The following TENT2 variants were observed in gnomAD, a reference collection of about 807,000 sequenced individuals.
TENT2 encodes poly(A) RNA polymerase GLD2.
Under a neutral mutation model 72.2 loss-of-function variants are expected in TENT2, and 44 were observed. The ratio of observed to expected loss-of-function variants is 0.61; its 90% CI spans 0.48 to 0.78. The LOEUF (loss-of-function observed/expected upper bound fraction) is 0.78. Ranked by LOEUF, TENT2 falls within the 30% of genes least tolerant of loss-of-function variation. The pLI is 0.00. For missense variants in TENT2, 541 were observed against 569.6 expected, an observed-to-expected ratio of 0.95 and a Z score of 0.51; for synonymous variants, 212 against 192.5, an observed-to-expected ratio of 1.10 and a Z score of -0.84.
chr5:79,653,792 CAA>C (rs1453986231), intron 10 of TENT2, among the ~76,000 whole-genome samples: 12 of 152,110 alleles, frequency 7.9e-5, no homozygotes, highest in East Asian at 5.8e-4. Context: ...AAAGGGCAAA[CAA>C]GAGTCTGCAA....
chr5:79,621,408 C>T (rs1438203840), intron 3 of TENT2, among the ~76,000 whole-genome samples: 1 of 152,130 alleles, frequency 6.6e-6, no homozygotes, highest in Non-Finnish European at 1.5e-5. Context: ...TGACTTTATT[C>T]AGATTTTATT....
intron 14 of TENT2, among the ~76,000 whole-genome samples, chr5:79,682,706 T>C (rs553493678): frequency 2.0e-5 from 3 of 152,212 alleles, no homozygotes; most frequent in Non-Finnish European, 4.4e-5. Context: ...GAAGCTGATG[T>C]CTGATCCATG....
At chr5:79,627,319 A>G (rs929974572) in intron 4 of TENT2, among the ~76,000 whole-genome samples, 9 of 152,214 alleles carry the variant, frequency 5.9e-5, no homozygotes, top group Non-Finnish European at 2.9e-5. Context: ...TTTCAATTTC[A>G]GTAAATTTAA....
chr5:79,619,654 C>A lies in TENT2; in HGVS notation c.6C>A (p.Phe2Leu). The change falls in exon 2 of 15, where the codon TTC (phenylalanine) becomes TTA (leucine). Residue 2 changes from phenylalanine to leucine, a missense_variant. By Grantham distance (22) the Phe-to-Leu change is conservative. Coordinates refer to ENST00000453514, the MANE Select transcript of TENT2 (RefSeq NM_001114394.3). The stretch of plus-strand genomic sequence containing the variant: ...CACTTCCAGTGAACAAGAGCATGTT[C>A]CCAAACTCAATTTTGGGTCGCCCAC... MFPNSILGRPPF... is the reference protein window; with the variant it reads MLPNSILGRPPF... The A allele has an allele frequency of 6.2e-7, 1 of 1,613,142 alleles. No homozygotes were observed. The highest frequency in any genetic ancestry group is 2.2e-5 in the East Asian group (1 of 44,846).
intron 11 of TENT2, among the ~76,000 whole-genome samples, chr5:79,667,499 C>A (rs965014551): frequency 8.5e-5 from 13 of 152,070 alleles, no homozygotes; most frequent in African/African-American, 2.4e-4. Flanking sequence ...TTCTTTCCTA[C>A]CCCCTCCACT....
chr5:79,635,989 G>A (rs1007497759), intron 4 of TENT2, among the ~76,000 whole-genome samples: 2 of 152,216 alleles, frequency 1.3e-5, no homozygotes, highest in East Asian at 1.9e-4. Flanking sequence ...AGGCACGTGG[G>A]CTATGTAGGT....
At chr5:79,672,449 G>A (rs1004055860) in intron 12 of TENT2, among the ~76,000 whole-genome samples, 3 of 151,888 alleles carry the variant, frequency 2.0e-5, no homozygotes, top group South Asian at 2.1e-4. Flanking sequence ...CCCCACTTCC[G>A]CCTCTCCCTG....
rs1323142990 is a variant in TENT2, at chr5:79,688,070, C to T, written c.*2797C>T. ...GACTCTGCTGTTTTCCCTCCTTATG[C>T]CCCACTAGCTGATGTATCTGTACTG... is the stretch of plus-strand genomic sequence containing the variant. On this transcript the variant is annotated 3_prime_UTR_variant, in exon 15 of 15. Transcript: ENST00000453514. Among the ~76,000 whole-genome samples, 2 of 152,138 alleles carry T rather than the reference C, an allele frequency of 1.3e-5. No individual in the cohort carries two copies. The highest frequency in any genetic ancestry group is 3.8e-4 in the East Asian group (2 of 5,204).
intron 9 of TENT2, 28 bp from the exon 10 acceptor site, chr5:79,649,034 C>T (rs770001033): frequency 1.2e-6 from 2 of 1,607,610 alleles, no homozygotes; most frequent in South Asian, 1.1e-5. Flanking sequence ...ACGTCTCTTA[C>T]CATGTTAAGT....
chr5:79,664,594 CAA>C (rs369492064), intron 11 of TENT2, among the ~76,000 whole-genome samples: 116 of 95,598 alleles, frequency 1.2e-3, no homozygotes, highest in Admixed American at 4.0e-3. Flanking sequence ...CACTCTGTCT[CAA>C]AAAAAAAAAA....
intron 10 of TENT2, among the ~76,000 whole-genome samples, chr5:79,651,412 A>G (rs1406144601): frequency 6.6e-6 from 1 of 152,024 alleles, no homozygotes; most frequent in African/African-American, 2.4e-5. Flanking sequence ...AAAAGAACCA[A>G]ACTGGAGTTT....
chr5:79,630,814 C>T (rs1268218381), intron 4 of TENT2, among the ~76,000 whole-genome samples: 2 of 125,982 alleles, frequency 1.6e-5, no homozygotes, highest in African/African-American at 7.6e-5. Context: ...GTAACCTATT[C>T]AGGTTTTTTT....
intron 4 of TENT2, among the ~76,000 whole-genome samples, chr5:79,633,464 G>T (rs1777301893): frequency 9.0e-6 from 1 of 110,580 alleles, no homozygotes. Context: ...TTTTGAGACA[G>T]AGTTTCGCTC....
At chr5:79,627,403 G>A (rs1165433430) in intron 4 of TENT2, among the ~76,000 whole-genome samples, 4 of 152,264 alleles carry the variant, frequency 2.6e-5, no homozygotes, top group African/African-American at 9.6e-5. Context: ...TTTAAAATTA[G>A]TTATGTAGAA....
chr5:79,659,597 A>ATATATATAATG (rs1426249863), intron 11 of TENT2, among the ~76,000 whole-genome samples: 3 of 93,228 alleles, frequency 3.2e-5, no homozygotes, highest in East Asian at 4.0e-4. Context: ...TATATATAAT[A>ATATATATAATG]GCCATCGTTT....
intron 4 of TENT2, among the ~76,000 whole-genome samples, chr5:79,638,026 T>A (rs1781557190): frequency 6.6e-6 from 1 of 151,438 alleles, no homozygotes; most frequent in African/African-American, 2.4e-5. Context: ...TCTTGATCTC[T>A]TGACCTCGTG....
intron 4 of TENT2, among the ~76,000 whole-genome samples, chr5:79,633,588 G>A: frequency 6.6e-6 from 1 of 151,382 alleles, no homozygotes; most frequent in Admixed American, 6.6e-5. Context: ...GGCTAATTTT[G>A]TGTTTTTAGT....
intron 10 of TENT2, among the ~76,000 whole-genome samples, chr5:79,650,836 T>A (rs1031212173): frequency 2.0e-5 from 3 of 152,008 alleles, no homozygotes; most frequent in Admixed American, 6.6e-5. Context: ...TTATAGTGAG[T>A]CACTTTTACT....
At chr5:79,659,508 G>C (rs372549481) in intron 11 of TENT2, among the ~76,000 whole-genome samples, 2 of 123,740 alleles carry the variant, frequency 1.6e-5, no homozygotes, top group East Asian at 4.8e-4. Flanking sequence ...CTCCAGCCTC[G>C]GCGACAGAGC....
Sources: allele counts gnomAD v4.1 joint callset (sites outside exome capture counted in the v4.1 genomes callset), GRCh38; gene constraint gnomAD v4.1.1; transcripts MANE v1.5; gene names NCBI Gene and HGNC (gene_info 2026-07-23, HGNC 2026-07-21).